The following ITIH4 variants were observed in gnomAD, a reference collection of about 807,000 sequenced individuals.
ITIH4 encodes the protein inter-alpha-trypsin inhibitor heavy chain H4.
Under a neutral mutation model 111.8 loss-of-function variants are expected in ITIH4, and 79 were observed. The ratio of observed to expected loss-of-function variants is 0.71; its 90% CI spans 0.59 to 0.85. The LOEUF is 0.85. Among genes scored for constraint, ITIH4 ranks in the 40% least tolerant of loss-of-function variants. ITIH4 has a pLI of 0.00. For missense variants in ITIH4, 1,065 were observed against 1,195.8 expected, an observed-to-expected ratio of 0.89 and a Z score of 1.61; for synonymous variants, 472 against 468.3, an observed-to-expected ratio of 1.01 and a Z score of -0.10.
intron 14 of ITIH4, 57 bp downstream of exon 14, chr3:52,820,234 G>C: frequency 6.2e-7 from 1 of 1,610,996 alleles, no homozygotes; most frequent in African/African-American, 1.3e-5. Flanking sequence ...TGGTGCCCTG[G>C]ACCCTGTGTT....
rs989149124 is a variant in ITIH4 at position 52,826,488 on chromosome 3, G to T, written c.630+53C>A. On this transcript the variant is annotated intron_variant, in intron 5 of 23. Coordinates refer to ENST00000266041, the MANE Select transcript of ITIH4 (RefSeq NM_002218.5). ...TCCAGAAATCCGGGCTCATAGGGCT[G>T]GCCTGAAGGCAGGGCCCTTGGTACC... is the stretch of plus-strand genomic sequence containing the variant. 3.7e-6 allele frequency: 5 copies of T among 1,347,252 alleles called. No individual in the cohort carries two copies. In the African/African-American group the frequency reaches 4.3e-5, roughly 12 times the overall value. The allele number at this position is 1,347,252 out of a possible 1,614,324, so 83.5% of individuals were successfully genotyped here.
At position 52,823,951 on chromosome 3, in the gene ITIH4, G is replaced by T. The variant is rs772055177; in HGVS notation, c.1225C>A (p.Arg409=). 7 of 1,597,624 alleles carry T rather than the reference G, an allele frequency of 4.4e-6. No homozygotes were observed. The highest frequency in any genetic ancestry group is 1.7e-5 in the Admixed American group (1 of 57,992). Residue 409 remains arginine, a synonymous_variant, in exon 10 of 24, where the codon CGG becomes AGG. Transcript: ENST00000266041. ...AAGCCCAGGCAGAAGAGGCTGTACC[G>T]GCCACTTACAGCTTCCCGCACGTTA... ...QNNVREAVSG[R]YSLFCLGFGF...
chr3:52,815,980 C>T (rs957461747), intron 21 of ITIH4, among the ~76,000 whole-genome samples: 2 of 152,226 alleles, frequency 1.3e-5, no homozygotes, highest in Non-Finnish European at 2.9e-5. Flanking sequence ...GCCACCACAC[C>T]GGGCGTAGAT....
At chr3:52,819,301 T>C (rs1181158046) in intron 17 of ITIH4, 92 bp downstream of exon 17, 6 of 1,457,956 alleles carry the variant, frequency 4.1e-6, no homozygotes, top group South Asian at 2.4e-5. Flanking sequence ...CCTGGCCCTG[T>C]GGTGCGTGCT....
chr3:52,813,840 C>T, intron 23 of ITIH4, 135 bp downstream of exon 23: 1 of 721,206 alleles, frequency 1.4e-6, no homozygotes, highest in South Asian at 1.7e-5. Flanking sequence ...GACACTTCTA[C>T]AGCATCAACC....
Position 52,814,356 on chromosome 3 carries a change from T to A in ITIH4, c.2479A>T (p.Met827Leu). The A allele has an allele frequency of 2.5e-6, 4 of 1,613,948 alleles. No homozygotes were observed. The highest frequency in any genetic ancestry group is 3.4e-6 in the Non-Finnish European group (4 of 1,179,908). ...AGGAGACCCGTCTTGTCCATGGTCA[T>A]CTTCAGGCTGTGGAAAGACCCAGTG... is the stretch of plus-strand genomic sequence containing the variant. ...TLFSVMPGLK[M>L]TMDKTGLLLL... Residue 827 changes from methionine to leucine, a missense_variant, in exon 22 of 24, where the codon ATG (methionine) becomes TTG (leucine). Physicochemically the swap from Met to Leu is conservative, Grantham distance 15. Coordinates refer to ENST00000266041, the MANE Select transcript of ITIH4 (RefSeq NM_002218.5).
rs139719930 is a variant in ITIH4, at chr3:52,825,900, C to G, written c.745G>C (p.Gly249Arg). 1.2e-3 allele frequency: 1,982 copies of G among 1,613,816 alleles called. 13 individuals are homozygous for G. The highest frequency in any genetic ancestry group is 6.6e-4 in the Middle Eastern group (4 of 6,016). Residue 249 changes from glycine (G) to arginine (R), a missense_variant, in exon 6 of 24, where the codon GGG (glycine) becomes CGG (arginine). Physicochemically the swap from Gly to Arg is moderately radical, Grantham distance 125 (BLOSUM62 -2). Coordinates refer to ENST00000266041, the MANE Select transcript of ITIH4 (RefSeq NM_002218.5). ...AGTCCACCCACCTGAATGGAGCCCCCGGAGATGGCCCGGTCCACATCATAG... is the reference window on the plus strand; with the variant it reads ...AGTCCACCCACCTGAATGGAGCCCCGGGAGATGGCCCGGTCCACATCATAG... The part of the protein sequence containing the change: ...IRYDVDRAIS[G>R]GSIQIENGYF...
Position 52,819,805 on chromosome 3 carries a change from G to C in ITIH4, c.1913-13C>G. ...GAAAAGGAAGCCTCTGTGTGGTCAA[G>C]TCCTGATCAGATACAACTGAACTGA... On this transcript the variant is annotated splice_polypyrimidine_tract_variant and intron_variant, in intron 15 of 23. Transcript: ENST00000266041. The C allele has an allele frequency of 6.2e-7, 1 of 1,613,956 alleles. No individual in the cohort carries two copies. The highest frequency in any genetic ancestry group is 8.5e-7 in the Non-Finnish European group (1 of 1,179,926).
In ITIH4 at chr3:52,823,745, C is replaced by G. The variant is rs1700433463; in HGVS notation, c.1354-4G>C. 6.2e-7 allele frequency: 1 copy of G among 1,614,116 alleles called. No individual in the cohort carries two copies. Among genetic ancestry groups the G allele is most frequent in the Non-Finnish European group, 8.5e-7 (1 of 1,179,984 alleles). On this transcript the variant is annotated splice_polypyrimidine_tract_variant and splice_region_variant and intron_variant, in intron 10 of 23. Transcript: ENST00000266041. ...TGGCCACTTCCTGGTAGAAGTCCTG[C>G]AGGGTTGGGGGTGTCATAAAGGCTG...
chr3:52,814,807 C>G (rs1249991362), intron 21 of ITIH4, among the ~76,000 whole-genome samples: 1 of 152,148 alleles, frequency 6.6e-6, no homozygotes, highest in Non-Finnish European at 1.5e-5. Flanking sequence ...TGGTCTCAAA[C>G]TCCTGAGCTG....
chr3:52,817,204 C>T, intron 20 of ITIH4, 146 bp from the exon 21 acceptor site: 1 of 626,962 alleles, frequency 1.6e-6, no homozygotes, highest in Non-Finnish European at 2.8e-6. Flanking sequence ...TCTCAGCACT[C>T]CTTCACACTG....
At chr3:52,819,858 A>G (rs771382836) in intron 15 of ITIH4, 66 bp from the exon 16 acceptor site, 4 of 1,603,746 alleles carry the variant, frequency 2.5e-6, no homozygotes, top group East Asian at 2.2e-5. Context: ...CAGCCAGAGG[A>G]GCTGGGCAAG....
In ITIH4 at chr3:52,828,285, G is replaced by A. The variant is rs983478984; in HGVS notation, c.251+834C>T. On this transcript the variant is annotated intron_variant, in intron 2 of 23. Coordinates refer to ENST00000266041, the MANE Select transcript of ITIH4 (RefSeq NM_002218.5). ...CCCATGTCGAAGGCTGACACAGCCC[G>A]TGGGGCTTGCACTGCAAGCTGGGCA... 2.0e-4 allele frequency among the ~76,000 whole-genome samples: 31 copies of A among 152,246 alleles called. 1 individual carries two copies. The highest frequency in any genetic ancestry group is 4.3e-4 in the African/African-American group (18 of 41,472).
Position 52,827,082 on chromosome 3 carries a change from C to A in ITIH4, c.356+11G>T, listed in dbSNP as rs199822534. On this transcript the variant is annotated intron_variant, in intron 3 of 23. Coordinates refer to ENST00000266041, the MANE Select transcript of ITIH4 (RefSeq NM_002218.5). The stretch of plus-strand genomic sequence containing the variant: ...GACCCTCCCCACTGAAGCTGCCCCC[C>A]ACCAGCTCACTTGACGAGGCCAGCG... 2.5e-6 allele frequency: 4 copies of A among 1,612,652 alleles called. No individual in the cohort carries two copies. Among genetic ancestry groups the A allele is most frequent in the South Asian group, 1.1e-5 (1 of 91,074 alleles).
At chr3:52,826,493 G>A in intron 5 of ITIH4, 48 bp downstream of exon 5, 1 of 1,424,238 alleles carries the variant, frequency 7.0e-7, no homozygotes, top group Non-Finnish European at 9.9e-7. Context: ...GGGCTGGCCT[G>A]AAGGCAGGGC....
rs754464045 is a variant in ITIH4, at chr3:52,826,529, C to T, written c.630+12G>A. The T allele has an allele frequency of 3.6e-5, 58 of 1,607,090 alleles. No individual in the cohort carries two copies. The highest frequency in any genetic ancestry group is 4.8e-5 in the Non-Finnish European group (56 of 1,173,820). On this transcript the variant is annotated intron_variant, in intron 5 of 23. Transcript: ENST00000266041. The stretch of plus-strand genomic sequence containing the variant: ...CCTTGGTACCCTCACCTGCTGACCA[C>T]AACAGGCCCACCTTGGTCTTATTCT...
At chr3:52,818,342 G>T (rs1700315562) in intron 18 of ITIH4, 59 bp from the exon 19 acceptor site, 2 of 1,570,868 alleles carry the variant, frequency 1.3e-6, no homozygotes, top group Non-Finnish European at 1.7e-6. Flanking sequence ...GGAGGTTGAG[G>T]GAGGGAGCAG....
Position 52,824,970 on chromosome 3 carries a change from G to A in ITIH4, c.760-12C>T. 1 of 1,577,262 alleles carries A rather than the reference G, an allele frequency of 6.3e-7. No individual in the cohort carries two copies. Among genetic ancestry groups the A allele is most frequent in the Non-Finnish European group, 8.7e-7 (1 of 1,150,390 alleles). On this transcript the variant is annotated splice_polypyrimidine_tract_variant and intron_variant, in intron 6 of 23. Transcript: ENST00000266041. The surrounding 1 kb of genome is among the most constrained non-coding windows in gnomAD (Gnocchi z 4.3). ...TAGCCGTTCTCGATCTGTGGCCAGA[G>A]TGAGACCCACCCAGGCCATCAGAGC...
chr3:52,816,871 G>C lies in ITIH4; in HGVS notation c.2471+13C>G, dbSNP rs1252072970. ...AGGTCAACCCCTGCCCCGGGCTCCAGCCTGGGCCTTACCCGGGCATCACTG... is the reference window on the plus strand; with the variant it reads ...AGGTCAACCCCTGCCCCGGGCTCCACCCTGGGCCTTACCCGGGCATCACTG... On this transcript the variant is annotated intron_variant, in intron 21 of 23. Coordinates refer to ENST00000266041, the MANE Select transcript of ITIH4 (RefSeq NM_002218.5). 1 of 1,611,928 alleles carries C rather than the reference G, an allele frequency of 6.2e-7. No homozygotes were observed. The highest frequency in any genetic ancestry group is 8.5e-7 in the Non-Finnish European group (1 of 1,178,826).
Sources: gnomAD v4.1 joint callset for allele counts (sites outside exome capture counted in the v4.1 genomes callset) on GRCh38, gnomAD v4.1.1 for gene constraint, Gnocchi (gnomAD v3.1) non-coding constraint, MANE v1.5 for transcripts, NCBI Gene and HGNC (gene_info 2026-07-23, HGNC 2026-07-21) for gene names.